FAM171A1: variants seen among roughly 807,000 people sequenced by gnomAD.
FAM171A1 encodes the protein family with sequence similarity 171 member A1, also known as protein FAM171A1.
In FAM171A1, 23 loss-of-function variants were observed where a neutral mutation model predicts 74.9. That is an observed-to-expected ratio of 0.31 (90% CI 0.22 to 0.44). The LOEUF (loss-of-function observed/expected upper bound fraction) is 0.44. Ranked by LOEUF, FAM171A1 falls within the 20% of genes least tolerant of loss-of-function variation. The probability of loss-of-function intolerance (pLI) is 1.00; values close to 1 mark genes in which losing one functional copy is unlikely to be tolerated. For missense variants in FAM171A1, 1,162 were observed against 1,159.2 expected, an observed-to-expected ratio of 1.00 and a Z score of -0.03; for synonymous variants, 527 against 505.7, an observed-to-expected ratio of 1.04 and a Z score of -0.57.
chr10:15,269,938 C>T (rs543303669), intron 3 of FAM171A1, among the ~76,000 whole-genome samples: 18 of 152,256 alleles, frequency 1.2e-4, no homozygotes, highest in African/African-American at 1.9e-4. Flanking sequence ...CCAAGATGGC[C>T]GAATAGGAAC....
At chr10:15,296,137 G>T (rs1348147879) in intron 1 of FAM171A1, among the ~76,000 whole-genome samples, 1 of 152,092 alleles carries the variant, frequency 6.6e-6, no homozygotes, top group East Asian at 1.9e-4. Flanking sequence ...AAACATAGAG[G>T]TTTTCCTGTG....
chr10:15,251,347 C>G (rs944992462), intron 4 of FAM171A1, among the ~76,000 whole-genome samples: 2 of 151,792 alleles, frequency 1.3e-5, no homozygotes, highest in African/African-American at 4.8e-5. Context: ...GCCTGCTTCT[C>G]TATGCCTTCC....
At chr10:15,357,785 T>A (rs1053302251) in intron 1 of FAM171A1, among the ~76,000 whole-genome samples, 2 of 152,192 alleles carry the variant, frequency 1.3e-5, no homozygotes, top group Non-Finnish European at 2.9e-5. Flanking sequence ...AAGGCAAGCA[T>A]AATAAAATGT....
At chr10:15,262,100 G>GT (rs1281844047) in intron 3 of FAM171A1, among the ~76,000 whole-genome samples, 1 of 152,226 alleles carries the variant, frequency 6.6e-6, no homozygotes, top group Non-Finnish European at 1.5e-5. Flanking sequence ...ATGCAACAGA[G>GT]TAAGACCCTG....
Position 15,226,196 on chromosome 10 carries a change from G to A in FAM171A1, c.755-5136C>T, listed in dbSNP as rs1418704114. On this transcript the variant is annotated intron_variant, in intron 5 of 7. Coordinates refer to ENST00000378116, the MANE Select transcript of FAM171A1 (RefSeq NM_001010924.2). ...TTCTTCCTGCAGAAGCCGCACCACT[G>A]CAGCTGCGCCAACCTGGTCGTGCAG... 2.6e-5 allele frequency among the ~76,000 whole-genome samples: 4 copies of A among 152,172 alleles called. No homozygotes were observed. The East Asian group carries it at 7.7e-4, about 29-fold the overall frequency.
chr10:15,303,031 A>C (rs1394956501), intron 1 of FAM171A1, among the ~76,000 whole-genome samples: 2 of 152,152 alleles, frequency 1.3e-5, no homozygotes, highest in Admixed American at 1.3e-4. Flanking sequence ...TCTACTAAAA[A>C]TACAAAAATT....
chr10:15,356,864 G>A (rs572040220), intron 1 of FAM171A1, among the ~76,000 whole-genome samples: 47 of 152,116 alleles, frequency 3.1e-4, no homozygotes, highest in South Asian at 1.0e-3. Context: ...CCAACTACTC[G>A]GGAGGCTGAG....
At chr10:15,311,742 G>A (rs1391188992) in intron 1 of FAM171A1, among the ~76,000 whole-genome samples, 3 of 152,028 alleles carry the variant, frequency 2.0e-5, no homozygotes, top group Non-Finnish European at 4.4e-5. Flanking sequence ...TTTTCCCCCT[G>A]GAAGAACAGA....
chr10:15,356,205 T>A (rs902417541), intron 1 of FAM171A1, among the ~76,000 whole-genome samples: 52 of 150,394 alleles, frequency 3.5e-4, no homozygotes, highest in African/African-American at 1.2e-3. Flanking sequence ...TTCATATATA[T>A]AAATACATAC....
chr10:15,276,266 C>T (rs977462575), intron 2 of FAM171A1, among the ~76,000 whole-genome samples: 1 of 151,968 alleles, frequency 6.6e-6, no homozygotes, highest in Admixed American at 6.6e-5. Context: ...CTCTAACCTC[C>T]GCCTCCCAGG....
At chr10:15,354,114 A>T (rs1413634551) in intron 1 of FAM171A1, among the ~76,000 whole-genome samples, 1 of 152,144 alleles carries the variant, frequency 6.6e-6, no homozygotes, top group Admixed American at 6.5e-5. Context: ...AGTGCAACCA[A>T]GTCACATCTG....
chr10:15,369,695 T>G (rs987656539), intron 1 of FAM171A1, among the ~76,000 whole-genome samples: 2 of 152,120 alleles, frequency 1.3e-5, no homozygotes, highest in Admixed American at 1.3e-4. Flanking sequence ...GAGCCTTTCC[T>G]CCCCGTAGCA....
At chr10:15,249,225 T>C (rs1415474130) in intron 4 of FAM171A1, among the ~76,000 whole-genome samples, 2 of 151,874 alleles carry the variant, frequency 1.3e-5, no homozygotes, top group Non-Finnish European at 2.9e-5. Context: ...GCCTCCCAAG[T>C]AGCCGGTATT....
At chr10:15,222,454 C>T (rs937681469) in intron 5 of FAM171A1, among the ~76,000 whole-genome samples, 1 of 152,166 alleles carries the variant, frequency 6.6e-6, no homozygotes, top group Non-Finnish European at 1.5e-5. Flanking sequence ...CACCGTCACA[C>T]AATGGGAAGT....
At chr10:15,319,569 A>C (rs924929119) in intron 1 of FAM171A1, among the ~76,000 whole-genome samples, 5 of 152,196 alleles carry the variant, frequency 3.3e-5, no homozygotes, top group African/African-American at 1.2e-4. Flanking sequence ...AGTAGCTAGA[A>C]TTATAGGCAT....
At chr10:15,326,155 G>A (rs1276438032) in intron 1 of FAM171A1, among the ~76,000 whole-genome samples, 1 of 152,074 alleles carries the variant, frequency 6.6e-6, no homozygotes, top group Non-Finnish European at 1.5e-5. Flanking sequence ...TAACTCAAGA[G>A]TCACCAGAGG....
chr10:15,254,285 G>T (rs1268430246), intron 4 of FAM171A1, among the ~76,000 whole-genome samples: 1 of 152,070 alleles, frequency 6.6e-6, no homozygotes, highest in Non-Finnish European at 1.5e-5. Flanking sequence ...AGCATAGGTG[G>T]GTGGGGTGGT....
At chr10:15,243,133 C>G (rs1299570452) in intron 5 of FAM171A1, among the ~76,000 whole-genome samples, 1 of 152,024 alleles carries the variant, frequency 6.6e-6, no homozygotes, top group Non-Finnish European at 1.5e-5. Context: ...CCCTTGCTTG[C>G]TGATTTTGGC....
intron 1 of FAM171A1, among the ~76,000 whole-genome samples, chr10:15,312,668 T>C (rs945695622): frequency 2.0e-5 from 2 of 97,738 alleles, no homozygotes; most frequent in African/African-American, 3.4e-5. Flanking sequence ...AGTTCAGCAC[T>C]GTGTGTTTTT....
Sources: allele counts gnomAD v4.1 joint callset (sites outside exome capture counted in the v4.1 genomes callset), GRCh38; gene constraint gnomAD v4.1.1; transcripts MANE v1.5; gene names NCBI Gene and HGNC (gene_info 2026-07-23, HGNC 2026-07-21).